RBM17: variants seen among roughly 807,000 people sequenced by gnomAD.
RBM17 encodes splicing factor 45.
RBM17 carries 7 observed loss-of-function variants against 53.2 expected under a neutral mutation model. The ratio of observed to expected loss-of-function variants is 0.13; its 90% CI spans 0.07 to 0.25. The LOEUF (loss-of-function observed/expected upper bound fraction) is 0.25, where lower values mean the gene tolerates loss of function less well. Among genes scored for constraint, RBM17 ranks in the 10% least tolerant of loss-of-function variants. The pLI, the probability that RBM17 is intolerant of heterozygous loss-of-function variation, is 1.00. For synonymous variants in RBM17, 167 were observed against 178.1 expected, an observed-to-expected ratio of 0.94 and a Z score of 0.50; for missense variants, 257 against 496.7, an observed-to-expected ratio of 0.52 and a Z score of 4.59.
At chr10:6,107,582 A>G (rs1331876980) in intron 5 of RBM17, among the ~76,000 whole-genome samples, 1 of 138,566 alleles carries the variant, frequency 7.2e-6, no homozygotes, top group African/African-American at 2.7e-5. Context: ...CCTAGTTTCA[A>G]ATGATTCTTC....
intron 6 of RBM17, among the ~76,000 whole-genome samples, chr10:6,109,204 C>T (rs1026317766): frequency 6.6e-6 from 1 of 152,108 alleles, no homozygotes; most frequent in African/African-American, 2.4e-5. Flanking sequence ...ACACCCTCAC[C>T]CACTGTTCCT....
intron 1 of RBM17, among the ~76,000 whole-genome samples, chr10:6,090,723 G>C (rs1840469109): frequency 6.6e-6 from 1 of 152,060 alleles, no homozygotes; most frequent in Non-Finnish European, 1.5e-5. Context: ...AGGAAGTTCT[G>C]TTATTCGCCT....
intron 6 of RBM17, 119 bp from the exon 7 acceptor site, chr10:6,109,863 TTCTC>T: frequency 1.3e-6 from 1 of 746,090 alleles, no homozygotes; most frequent in East Asian, 2.8e-5. Context: ...TTTGGTGTTT[TTCTC>T]TCCTTGTGGT....
At chr10:6,097,224 C>G in intron 2 of RBM17, 36 bp downstream of exon 2, 1 of 1,603,008 alleles carries the variant, frequency 6.2e-7, no homozygotes, top group Non-Finnish European at 8.5e-7. Context: ...GCAGAGGCCT[C>G]CAGAGTGGGT....
chr10:6,110,252 G>T, intron 7 of RBM17, 125 bp downstream of exon 7: 1 of 720,796 alleles, frequency 1.4e-6, no homozygotes, highest in Non-Finnish European at 2.1e-6. Context: ...CAGGTCACAC[G>T]GTACCTGCCT....
chr10:6,098,559 TTTTG>T lies in RBM17; in HGVS notation c.123+1375_123+1378del, dbSNP rs1183537261. On this transcript the variant is annotated intron_variant, in intron 2 of 11. Coordinates refer to ENST00000379888, the MANE Select transcript of RBM17 (RefSeq NM_032905.5). ...TGAAAATTTCCGTAATACACAGGTT[TTTTG>T]TTTTTTTTTTTTTTTTTTTTTTTTT... Among the ~76,000 whole-genome samples the T allele has an allele frequency of 8.4e-4, 30 of 35,892 alleles. 3 individuals carry two copies. The highest frequency in any genetic ancestry group is 2.5e-3 in the African/African-American group (28 of 11,318). 23.5% of individuals were successfully genotyped at this position (35,892 alleles called of 152,430 possible). A position where few individuals can be genotyped will look rare whatever the true frequency, so the allele number is the denominator to read the frequency against.
rs572775066 is a variant in RBM17 at position 6,115,647 on chromosome 10, T to A, written c.*91T>A. 6.4e-6 allele frequency: 5 copies of A among 775,618 alleles called. No homozygotes were observed. Among genetic ancestry groups the A allele is most frequent in the Admixed American group, 6.0e-5 (3 of 49,842 alleles). 48.0% of individuals were successfully genotyped at this position (775,618 alleles called of 1,614,324 possible). A position where few individuals can be genotyped will look rare whatever the true frequency, so the allele number is the denominator to read the frequency against. On this transcript the variant is annotated 3_prime_UTR_variant, in exon 12 of 12. Coordinates refer to ENST00000379888, the MANE Select transcript of RBM17 (RefSeq NM_032905.5). ...GGAAAAAGGTCACAGCCTCCATGGC[T>A]GTTGCATACCAAGACTCTTGGAAGG...
chr10:6,107,479 C>CTTTTTTT (rs71390124), intron 5 of RBM17, among the ~76,000 whole-genome samples: 5,682 of 56,388 alleles, frequency 0.1, 950 homozygotes, highest in African/African-American at 0.12. Flanking sequence ...CACCCGGCCT[C>CTTTTTTT]TTTTTTTTTT....
chr10:6,108,737 AAG>A lies in RBM17; in HGVS notation c.560_561del (p.Glu187ValfsTer8). On this transcript the variant is annotated frameshift_variant, in exon 6 of 12. Transcript: ENST00000379888. LOFTEE classifies it high-confidence loss of function. ...CCCACTTCTCTGGTAGAGAAAGACA[AAG>A]AGTGTAAGTAGATCTGTTTCTTCCT... The A allele has an allele frequency of 6.2e-7, 1 of 1,610,746 alleles. No individual in the cohort carries two copies. Among genetic ancestry groups the A allele is most frequent in the Non-Finnish European group, 8.5e-7 (1 of 1,177,536 alleles).
chr10:6,101,256 T>G lies in RBM17; in HGVS notation c.124-15T>G. ...TGAAACTTCAGTATGTTTTCCTTGTTTTTGATGATTTTAGAGCCAAAGGAC... is the reference window on the plus strand; with the variant it reads ...TGAAACTTCAGTATGTTTTCCTTGTGTTTGATGATTTTAGAGCCAAAGGAC... On this transcript the variant is annotated splice_polypyrimidine_tract_variant and intron_variant, in intron 2 of 11. Transcript: ENST00000379888. The G allele has an allele frequency of 6.5e-7, 1 of 1,536,056 alleles. No individual in the cohort carries two copies. Among genetic ancestry groups the G allele is most frequent in the Non-Finnish European group, 8.8e-7 (1 of 1,130,022 alleles).
intron 2 of RBM17, among the ~76,000 whole-genome samples, chr10:6,098,218 CT>C (rs917762476): frequency 3.3e-5 from 5 of 150,388 alleles, no homozygotes; most frequent in Admixed American, 6.6e-5. Context: ...GAATATTGGT[CT>C]TTTTGGGGGT....
In RBM17 at chr10:6,097,125, C is replaced by T. The variant is rs770552951; in HGVS notation, c.60C>T (p.Ser20=). The T allele has an allele frequency of 2.5e-6, 4 of 1,613,920 alleles. No individual in the cohort carries two copies. The South Asian group carries it at 4.4e-5, about 18-fold the overall frequency. The change falls in exon 2 of 12, where the codon TCC becomes TCT. Residue 20 remains serine, a synonymous_variant. Transcript: ENST00000379888. ...ETSDSKTEGW[S]KNFKLLQSQL... is the part of the protein sequence containing the mutation. Reference sequence around the variant, plus strand: ...GTGACTCAAAAACAGAAGGCTGGTCCAAAAACTTCAAACTTCTGCAGTCTC... The same window carrying T: ...GTGACTCAAAAACAGAAGGCTGGTCTAAAAACTTCAAACTTCTGCAGTCTC...
Position 6,101,263 on chromosome 10 carries a change from G to C in RBM17, c.124-8G>C. On this transcript the variant is annotated splice_region_variant and splice_polypyrimidine_tract_variant and intron_variant, in intron 2 of 11. Transcript: ENST00000379888. ...TCAGTATGTTTTCCTTGTTTTTGAT[G>C]ATTTTAGAGCCAAAGGACGAAACAA... The C allele has an allele frequency of 6.4e-7, 1 of 1,556,134 alleles. No individual in the cohort carries two copies. Among genetic ancestry groups the C allele is most frequent in the Non-Finnish European group, 8.7e-7 (1 of 1,148,628 alleles).
At chr10:6,110,866 CGAT>C (rs1840826901) in intron 7 of RBM17, among the ~76,000 whole-genome samples, 1 of 152,024 alleles carries the variant, frequency 6.6e-6, no homozygotes, top group South Asian at 2.1e-4. Flanking sequence ...CAAGTGGTGA[CGAT>C]GTTGGATGGT....
intron 3 of RBM17, 106 bp from the exon 4 acceptor site, chr10:6,104,825 G>C (rs2132947466): frequency 3.3e-6 from 3 of 895,960 alleles, no homozygotes; most frequent in Non-Finnish European, 5.2e-6. Flanking sequence ...GAAGGGGCTA[G>C]ATGATGTTCA....
chr10:6,105,255 G>A (rs1840732345), intron 4 of RBM17, among the ~76,000 whole-genome samples, 158 bp downstream of exon 4: 1 of 152,212 alleles, frequency 6.6e-6, no homozygotes, highest in African/African-American at 2.4e-5. Context: ...ATTTGTACCT[G>A]TTACATCTCA....
chr10:6,090,923 C>G (rs1215907032), intron 1 of RBM17, among the ~76,000 whole-genome samples: 1 of 138,342 alleles, frequency 7.2e-6, no homozygotes, highest in African/African-American at 2.9e-5. Flanking sequence ...GCTTTTTAAG[C>G]TGTATTTTTT....
In RBM17 at chr10:6,098,556, GTTTTTT is replaced by G. The variant is rs1840614192; in HGVS notation, c.123+1369_123+1374del. On this transcript the variant is annotated intron_variant, in intron 2 of 11. Coordinates refer to ENST00000379888, the MANE Select transcript of RBM17 (RefSeq NM_032905.5). ...GTTTGAAAATTTCCGTAATACACAG[GTTTTTT>G]GTTTTTTTTTTTTTTTTTTTTTTTT... Among the ~76,000 whole-genome samples the G allele has an allele frequency of 4.3e-4, 38 of 87,964 alleles. No individual in the cohort carries two copies. The South Asian group carries it at 5.7e-3, about 13-fold the overall frequency. 57.7% of individuals were successfully genotyped at this position (87,964 alleles called of 152,430 possible).
intron 7 of RBM17, among the ~76,000 whole-genome samples, chr10:6,110,585 T>C (rs1464190892): frequency 6.6e-6 from 1 of 152,204 alleles, no homozygotes; most frequent in East Asian, 1.9e-4. Flanking sequence ...TGCCAGCATA[T>C]AAAATTTGAC....
Sources: gnomAD v4.1 joint callset for allele counts (sites outside exome capture counted in the v4.1 genomes callset) on GRCh38, gnomAD v4.1.1 for gene constraint, MANE v1.5 for transcripts, NCBI Gene and HGNC (gene_info 2026-07-23, HGNC 2026-07-21) for gene names.